Variants in CLASP2 observed in about 807,000 individuals in gnomAD.
CLASP2 encodes the protein cytoplasmic linker associated protein 2.
Under a neutral mutation model 194.4 loss-of-function variants are expected in CLASP2, and 47 were observed. The ratio of observed to expected loss-of-function variants is 0.24; its 90% CI spans 0.19 to 0.31. The LOEUF is 0.31. Among genes scored for constraint, CLASP2 ranks in the 10% least tolerant of loss-of-function variants. The pLI is 1.00. For synonymous variants in CLASP2, 619 were observed against 633.5 expected, an observed-to-expected ratio of 0.98 and a Z score of 0.34; for missense variants, 1,445 against 1,823.6, an observed-to-expected ratio of 0.79 and a Z score of 3.78.
chr3:33,648,954 A>G (rs1344036494), intron 7 of CLASP2, among the ~76,000 whole-genome samples: 1 of 152,224 alleles, frequency 6.6e-6, no homozygotes, highest in Non-Finnish European at 1.5e-5. Context: ...GAACAAAGTC[A>G]TATCACATCA....
At chr3:33,552,535 G>A (rs2060203090) in intron 29 of CLASP2, among the ~76,000 whole-genome samples, 1 of 152,064 alleles carries the variant, frequency 6.6e-6, no homozygotes, top group Admixed American at 6.5e-5. Context: ...TTATTTTTTT[G>A]TGGTGAGAAC....
intron 6 of CLASP2, among the ~76,000 whole-genome samples, chr3:33,679,942 G>C (rs910313622): frequency 6.6e-6 from 1 of 152,180 alleles, no homozygotes; most frequent in African/African-American, 2.4e-5. Flanking sequence ...CACATTTTTA[G>C]CAGTTTTGTT....
chr3:33,584,782 C>T lies in CLASP2; in HGVS notation c.2207G>A (p.Ser736Asn). ...AAGCCTAGATGGACTAGCCTCTCTG[C>T]TACAGCCCTGGCTCCGTGGTATCTT... ...RSKIPRSQGCSREASPSRLSV... is the reference protein window; with the variant it reads ...RSKIPRSQGCNREASPSRLSV... The change falls in exon 22 of 39, where the codon AGC becomes AAC. Residue 736 changes from serine (S) to asparagine (N), a missense_variant. Ser to Asn is a conservative substitution (Grantham distance 46). Around this residue, in one of 4 missense-constraint regions of CLASP2, gnomAD observed 732 missense variants for 987.9 expected, o/e 0.74. Transcript: ENST00000682230. The T allele has an allele frequency of 6.2e-7, 1 of 1,605,710 alleles. No homozygotes were observed. Among genetic ancestry groups the T allele is most frequent in the Non-Finnish European group, 8.5e-7 (1 of 1,175,556 alleles).
In CLASP2 at chr3:33,537,882, C is replaced by CT. The variant is rs2057661693; in HGVS notation, c.3558+906dup. ...GTGGGTCGGGCGCAGTGGCTCACAC[C>CT]TGTAATCCCAGCACTTTGGGAGGCC... On this transcript the variant is annotated intron_variant, in intron 33 of 38. Transcript: ENST00000682230. Among the ~76,000 whole-genome samples the CT allele has an allele frequency of 3.3e-5, 5 of 152,274 alleles. No homozygotes were observed. The South Asian group carries it at 1.0e-3, about 32-fold the overall frequency.
intron 4 of CLASP2, among the ~76,000 whole-genome samples, chr3:33,688,012 T>A (rs987220839): frequency 1.8e-4 from 27 of 152,332 alleles, no homozygotes; most frequent in Middle Eastern, 3.4e-3. Flanking sequence ...TATCAGCATA[T>A]CAGTTCCATG....
intron 1 of CLASP2, among the ~76,000 whole-genome samples, chr3:33,708,899 G>A (rs1234245590): frequency 6.6e-6 from 1 of 152,058 alleles, no homozygotes; most frequent in East Asian, 1.9e-4. Flanking sequence ...ACTGGTATGA[G>A]GTGATATTTC....
chr3:33,630,527 G>A (rs905963370), intron 9 of CLASP2, among the ~76,000 whole-genome samples: 3 of 150,308 alleles, frequency 2.0e-5, no homozygotes, highest in Non-Finnish European at 3.0e-5. Flanking sequence ...TGAGAGCCGA[G>A]AATAATAAAC....
chr3:33,582,597 C>T (rs972219364), intron 22 of CLASP2, among the ~76,000 whole-genome samples: 4 of 152,014 alleles, frequency 2.6e-5, no homozygotes, highest in Non-Finnish European at 5.9e-5. Context: ...AGGTCGAGGC[C>T]GCAGTGAACT....
At chr3:33,700,563 G>A (rs1345850201) in intron 1 of CLASP2, among the ~76,000 whole-genome samples, 2 of 151,106 alleles carry the variant, frequency 1.3e-5, no homozygotes, top group Admixed American at 1.3e-4. Flanking sequence ...AATCAATTGT[G>A]GGCCAGGTGC....
Position 33,667,405 on chromosome 3 carries a change from T to C in CLASP2, c.645-3890A>G, listed in dbSNP as rs202226632. Among the ~76,000 whole-genome samples the C allele has an allele frequency of 3.5e-4, 13 of 37,530 alleles. No individual in the cohort carries two copies. The African/African-American group carries it at 4.3e-3, about 12-fold the overall frequency. The allele number at this position is 37,530 out of a possible 152,430, so 24.6% of individuals were successfully genotyped here. On this transcript the variant is annotated intron_variant, in intron 6 of 38. Coordinates refer to ENST00000682230, the MANE Select transcript of CLASP2 (RefSeq NM_001365631.1). ...GCCTGGGTGACAGAGTGAGACTATCTCAAAAAAAAAAAAAAAAAAAAAAGA... is the reference window on the plus strand; with the variant it reads ...GCCTGGGTGACAGAGTGAGACTATCCCAAAAAAAAAAAAAAAAAAAAAAGA...
intron 7 of CLASP2, chr3:33,645,357 CA>C (rs770127078): frequency 1.3e-6 from 1 of 764,412 alleles, no homozygotes; most frequent in South Asian, 1.3e-5. Flanking sequence ...AGGAGGCTCC[CA>C]ATAGTTCACA....
chr3:33,664,330 T>C (rs919684738), intron 6 of CLASP2, among the ~76,000 whole-genome samples: 2 of 152,176 alleles, frequency 1.3e-5, no homozygotes, highest in Non-Finnish European at 2.9e-5. Flanking sequence ...CTATGATTCA[T>C]TCTTAAATTT....
At chr3:33,534,130 T>A (rs1032791720) in intron 34 of CLASP2, among the ~76,000 whole-genome samples, 2 of 152,170 alleles carry the variant, frequency 1.3e-5, no homozygotes, top group Non-Finnish European at 2.9e-5. Flanking sequence ...AAAACCTGAA[T>A]ATAGAATCAT....
At chr3:33,695,515 T>C (rs2091797243) in intron 2 of CLASP2, among the ~76,000 whole-genome samples, 1 of 151,768 alleles carries the variant, frequency 6.6e-6, no homozygotes, top group African/African-American at 2.4e-5. Context: ...AAAAGATAAC[T>C]AGAAAATAAA....
At chr3:33,637,537 C>G (rs2080388205) in intron 8 of CLASP2, among the ~76,000 whole-genome samples, 1 of 151,196 alleles carries the variant, frequency 6.6e-6, no homozygotes, top group African/African-American at 2.4e-5. Context: ...CCGTATCAAA[C>G]AAAAAAAGAA....
At chr3:33,500,075 T>G (rs1377730769) in intron 38 of CLASP2, among the ~76,000 whole-genome samples, 7 of 152,094 alleles carry the variant, frequency 4.6e-5, no homozygotes, top group Non-Finnish European at 1.0e-4. Context: ...CTCTGTTGCC[T>G]GGGCTGGAAT....
At chr3:33,621,549 C>T (rs1245122469) in intron 11 of CLASP2, among the ~76,000 whole-genome samples, 2 of 151,994 alleles carry the variant, frequency 1.3e-5, no homozygotes, top group Admixed American at 6.6e-5. Flanking sequence ...CCTTATATTG[C>T]CTTTTTTTTC....
chr3:33,589,447 T>A (rs763637185), intron 21 of CLASP2, among the ~76,000 whole-genome samples: 2 of 152,102 alleles, frequency 1.3e-5, no homozygotes, highest in Non-Finnish European at 2.9e-5. Context: ...AAAGTAAGGA[T>A]GATGATCACA....
chr3:33,705,630 C>G (rs1367098937), intron 1 of CLASP2, among the ~76,000 whole-genome samples: 2 of 151,904 alleles, frequency 1.3e-5, no homozygotes, highest in Non-Finnish European at 2.9e-5. Flanking sequence ...CTCAAATAAG[C>G]AGGAAAAAAT....
Sources: allele counts gnomAD v4.1 joint callset (sites outside exome capture counted in the v4.1 genomes callset), GRCh38; gene constraint gnomAD v4.1.1; regional missense constraint gnomAD v4.1.1; transcripts MANE v1.5; gene names NCBI Gene and HGNC (gene_info 2026-07-23, HGNC 2026-07-21).